The following CACNA2D3 variants were observed in gnomAD, a reference collection of about 807,000 sequenced individuals.
The protein encoded by CACNA2D3 is voltage-dependent calcium channel subunit alpha-2/delta-3.
In CACNA2D3, 60 loss-of-function variants were observed where a neutral mutation model predicts 160.6. The observed-to-expected ratio is 0.37, with a 90% CI of 0.30 to 0.46. The LOEUF is 0.46. Among genes scored for constraint, CACNA2D3 ranks in the 20% least tolerant of loss-of-function variants. The probability of loss-of-function intolerance (pLI) is 1.00; values close to 1 mark genes in which losing one functional copy is unlikely to be tolerated. For missense variants in CACNA2D3, 1,205 were observed against 1,365.0 expected (o/e 0.88, Z 1.85); for synonymous variants, 558 against 492.9 (o/e 1.13, Z -1.75).
chr3:54,386,835 A>T, intron 4 of CACNA2D3, 61 bp downstream of exon 4: 3 of 1,406,312 alleles, frequency 2.1e-6, no homozygotes, highest in Admixed American at 2.1e-5. Context: ...GACAAGTACC[A>T]GGTATACCAG....
In CACNA2D3 at chr3:55,074,109, C is replaced by T. The variant is rs774853357; in HGVS notation, c.3184-5C>T. The T allele has an allele frequency of 8.1e-6, 13 of 1,611,698 alleles. No homozygotes were observed. In the East Asian group the frequency reaches 1.8e-4, roughly 22 times the overall value. On this transcript the variant is annotated splice_region_variant and splice_polypyrimidine_tract_variant and intron_variant, in intron 37 of 37. Transcript: ENST00000474759. ...CGTCTAACCAACCCCTGCCTTTCCC[C>T]ATAGGAGAATGCAAGGGAGTGTGGG...
At chr3:54,500,271 A>G (rs1481873438) in intron 4 of CACNA2D3, among the ~76,000 whole-genome samples, 3 of 152,116 alleles carry the variant, frequency 2.0e-5, no homozygotes, top group Non-Finnish European at 4.4e-5. Flanking sequence ...CTTTACTTTT[A>G]ATATATCTGT....
At chr3:54,812,875 T>C (rs1179625613) in intron 13 of CACNA2D3, among the ~76,000 whole-genome samples, 1 of 152,170 alleles carries the variant, frequency 6.6e-6, no homozygotes, top group Non-Finnish European at 1.5e-5. Flanking sequence ...GATACTAATA[T>C]CTAATCCAGA....
intron 3 of CACNA2D3, among the ~76,000 whole-genome samples, chr3:54,374,568 G>C (rs1698977089): frequency 6.6e-6 from 1 of 152,168 alleles, no homozygotes; most frequent in African/African-American, 2.4e-5. Context: ...CTTACTATGA[G>C]ATTTTATCAT....
intron 3 of CACNA2D3, among the ~76,000 whole-genome samples, chr3:54,373,450 A>G (rs1698959573): frequency 6.6e-6 from 1 of 152,196 alleles, no homozygotes. Flanking sequence ...AAACTGTGGT[A>G]TGTTTTAAAT....
chr3:54,888,223 A>G (rs184090821), intron 24 of CACNA2D3, among the ~76,000 whole-genome samples, 171 bp downstream of exon 24: 57 of 152,324 alleles, frequency 3.7e-4, no homozygotes, highest in Admixed American at 3.6e-3. Flanking sequence ...TCGGGCTTGG[A>G]TGGCAAGCTC....
intron 4 of CACNA2D3, among the ~76,000 whole-genome samples, chr3:54,401,850 CA>C (rs1435752119): frequency 6.6e-6 from 1 of 152,130 alleles, no homozygotes; most frequent in African/African-American, 2.4e-5. Flanking sequence ...CAGAATACTT[CA>C]TTGTTGATAT....
chr3:54,735,954 A>G (rs922038429), intron 11 of CACNA2D3, among the ~76,000 whole-genome samples: 22 of 142,382 alleles, frequency 1.5e-4, no homozygotes, highest in Non-Finnish European at 3.2e-4. Context: ...CTTTTTGCAT[A>G]TATCTTTGCA....
intron 13 of CACNA2D3, among the ~76,000 whole-genome samples, chr3:54,803,600 T>G (rs925153565): frequency 1.3e-4 from 20 of 152,194 alleles, no homozygotes; most frequent in Middle Eastern, 6.8e-3. Flanking sequence ...GAAAGTGATG[T>G]GGAGAATGGA....
chr3:54,647,715 C>T (rs994820316), intron 11 of CACNA2D3, among the ~76,000 whole-genome samples: 1 of 152,218 alleles, frequency 6.6e-6, no homozygotes, highest in Non-Finnish European at 1.5e-5. Flanking sequence ...CTCCAAGCAA[C>T]TGCTTAATAA....
At chr3:54,716,659 C>T (rs1421388324) in intron 11 of CACNA2D3, among the ~76,000 whole-genome samples, 11 of 151,946 alleles carry the variant, frequency 7.2e-5, no homozygotes, top group Non-Finnish European at 2.9e-5. Flanking sequence ...TGGCCCCTGT[C>T]GAGACATGAG....
chr3:54,147,932 G>A (rs763728039), intron 2 of CACNA2D3, among the ~76,000 whole-genome samples: 7 of 152,160 alleles, frequency 4.6e-5, no homozygotes, highest in Non-Finnish European at 7.3e-5. Flanking sequence ...TCAGCCCCCC[G>A]AGGAGTTGGG....
intron 3 of CACNA2D3, among the ~76,000 whole-genome samples, chr3:54,365,070 A>G (rs943374704): frequency 1.3e-5 from 2 of 152,228 alleles, no homozygotes; most frequent in African/African-American, 4.8e-5. Flanking sequence ...GAAATTGGAT[A>G]GTAAAACTTG....
At position 54,636,126 on chromosome 3, in the gene CACNA2D3, T is replaced by G. The variant is rs563066778; in HGVS notation, c.1054-6002T>G. ...GAGAAGTTATTTCCTTGAGGATAGATTTCCACGATGGAAAGGAAATGAGAG... is the reference window on the plus strand; with the variant it reads ...GAGAAGTTATTTCCTTGAGGATAGAGTTCCACGATGGAAAGGAAATGAGAG... On this transcript the variant is annotated intron_variant, in intron 10 of 37. Transcript: ENST00000474759. Among the ~76,000 whole-genome samples, 117 of 151,964 alleles carry G rather than the reference T, an allele frequency of 7.7e-4. 2 individuals carry two copies. The East Asian group carries it at 0.014, about 18-fold the overall frequency.
At chr3:54,888,622 C>T (rs1699983643) in intron 24 of CACNA2D3, among the ~76,000 whole-genome samples, 1 of 152,060 alleles carries the variant, frequency 6.6e-6, no homozygotes, top group African/African-American at 2.4e-5. Context: ...AAGGAAGAAC[C>T]ATTCCTTTTC....
chr3:54,918,341 T>C lies in CACNA2D3; in HGVS notation c.2449+18473T>C, dbSNP rs924086880. Reference sequence around the variant, plus strand: ...CACATCTTTTTTTTTTCTTTTTTTTTTTTTTTTTTTTTTTGTCTTTTGGCA... The same window carrying C: ...CACATCTTTTTTTTTTCTTTTTTTTCTTTTTTTTTTTTTTGTCTTTTGGCA... On this transcript the variant is annotated intron_variant, in intron 27 of 37. Coordinates refer to ENST00000474759, the MANE Select transcript of CACNA2D3 (RefSeq NM_018398.3). The C allele has an allele frequency of 4.6e-4, 169 of 368,252 alleles. 1 individual carries two copies. Among genetic ancestry groups the C allele is most frequent in the East Asian group, 2.1e-3 (37 of 17,276 alleles). 22.8% of individuals were successfully genotyped at this position (368,252 alleles called of 1,614,324 possible).
intron 11 of CACNA2D3, among the ~76,000 whole-genome samples, chr3:54,714,712 C>T (rs149936648): frequency 3.9e-5 from 6 of 152,188 alleles, no homozygotes; most frequent in Non-Finnish European, 5.9e-5. Flanking sequence ...CTCATGGTCA[C>T]GAGGATGATG....
chr3:54,170,569 A>G (rs1412190474), intron 2 of CACNA2D3, among the ~76,000 whole-genome samples: 5 of 152,022 alleles, frequency 3.3e-5, no homozygotes, highest in Admixed American at 2.0e-4. Context: ...CTCTGTGTTG[A>G]TCATTTTGTC....
At chr3:54,617,052 A>G (rs534202259) in intron 9 of CACNA2D3, among the ~76,000 whole-genome samples, 1 of 152,262 alleles carries the variant, frequency 6.6e-6, no homozygotes, top group Admixed American at 6.5e-5. Flanking sequence ...GCATATTGTG[A>G]TATCCCTGGG....
Sources: allele counts gnomAD v4.1 joint callset (sites outside exome capture counted in the v4.1 genomes callset), GRCh38; gene constraint gnomAD v4.1.1; transcripts MANE v1.5; gene names NCBI Gene and HGNC (gene_info 2026-07-23, HGNC 2026-07-21).